Variants in ITPKB observed in about 807,000 individuals in gnomAD.
The protein encoded by ITPKB is IP3 3-kinase B.
ITPKB carries 13 observed loss-of-function variants against 69.4 expected under a neutral mutation model. That is an observed-to-expected ratio of 0.19 (90% confidence interval 0.12 to 0.30). The LOEUF (loss-of-function observed/expected upper bound fraction) is 0.30, where lower values mean the gene tolerates loss of function less well. Among genes scored for constraint, ITPKB ranks in the 10% least tolerant of loss-of-function variants. The probability of loss-of-function intolerance (pLI) is 1.00; values close to 1 mark genes in which losing one functional copy is unlikely to be tolerated. For synonymous variants in ITPKB, 584 were observed against 513.7 expected, an observed-to-expected ratio of 1.14 and a Z score of -1.85; for missense variants, 1,240 against 1,250.5, an observed-to-expected ratio of 0.99 and a Z score of 0.13.
chr1:226,707,560 CA>C (rs1656833027), intron 2 of ITPKB: 1 of 985,294 alleles, frequency 1.0e-6, no homozygotes, highest in East Asian at 1.1e-4. Context: ...AAGTAACTGA[CA>C]GCTTACTATA....
chr1:226,682,500 A>AT (rs1266601371), intron 2 of ITPKB, among the ~76,000 whole-genome samples: 1 of 152,202 alleles, frequency 6.6e-6, no homozygotes, highest in Non-Finnish European at 1.5e-5. Flanking sequence ...AAAGCCACTC[A>AT]TTCATTCTGA....
At position 226,724,512 on chromosome 1, in the gene ITPKB, C is replaced by T. The variant is rs544558897; in HGVS notation, c.1932+11015G>A. On this transcript the variant is annotated intron_variant, in intron 2 of 7. Transcript: ENST00000429204. The stretch of plus-strand genomic sequence containing the variant: ...GTATCGAGCATTTAGTATGTCCAGA[C>T]GCTGTGCTAGGCATTTCCCACATTA... Among the ~76,000 whole-genome samples the T allele has an allele frequency of 3.3e-5, 5 of 152,294 alleles. No homozygotes were observed. The East Asian group carries it at 5.8e-4, about 18-fold the overall frequency.
intron 2 of ITPKB, among the ~76,000 whole-genome samples, chr1:226,701,631 A>C (rs79991334): frequency 6.9e-6 from 1 of 144,096 alleles, no homozygotes. Flanking sequence ...AAAAAAAAAA[A>C]CTTCACTTTA....
intron 6 of ITPKB, among the ~76,000 whole-genome samples, chr1:226,638,115 TAC>T (rs1353320270): frequency 6.6e-6 from 1 of 152,162 alleles, no homozygotes; most frequent in East Asian, 1.9e-4. Flanking sequence ...CATACACAGG[TAC>T]ACAGAGTTCC....
Position 226,634,964 on chromosome 1 carries a change from C to T in ITPKB, c.2626-78G>A. 1 of 1,156,652 alleles carries T rather than the reference C, an allele frequency of 8.6e-7. No individual in the cohort carries two copies. Among genetic ancestry groups the T allele is most frequent in the Non-Finnish European group, 1.2e-6 (1 of 803,384 alleles). 71.6% of individuals were successfully genotyped at this position (1,156,652 alleles called of 1,614,324 possible). ...CCACTGCGGCCCGGGGCCTGGGTGA[C>T]CAGGTGGGGAGGCTCGCTCAGGCCG... On this transcript the variant is annotated intron_variant, in intron 7 of 7. Transcript: ENST00000429204. The surrounding 1 kb of genome is among the most constrained non-coding windows in gnomAD (Gnocchi z 6.3).
At chr1:226,681,314 A>G (rs1440865236) in intron 2 of ITPKB, among the ~76,000 whole-genome samples, 3 of 152,168 alleles carry the variant, frequency 2.0e-5, no homozygotes, top group African/African-American at 4.8e-5. Flanking sequence ...ATTTAGCCAG[A>G]AAGTTTACCA....
At chr1:226,649,450 TGC>T (rs1669134111) in intron 2 of ITPKB, among the ~76,000 whole-genome samples, 1 of 140,822 alleles carries the variant, frequency 7.1e-6, no homozygotes, top group East Asian at 2.1e-4. Context: ...TGCGTGTGTG[TGC>T]ATGTGTGATA....
chr1:226,735,248 G>A (rs895444876), intron 2 of ITPKB, among the ~76,000 whole-genome samples: 2 of 152,318 alleles, frequency 1.3e-5, no homozygotes, highest in East Asian at 3.9e-4. Flanking sequence ...CCCAAGAAGC[G>A]TGGTGACCTA....
intron 2 of ITPKB, among the ~76,000 whole-genome samples, chr1:226,694,605 T>C (rs1656433806): frequency 6.6e-6 from 1 of 152,222 alleles, no homozygotes; most frequent in South Asian, 2.1e-4. Flanking sequence ...CATTTCATAG[T>C]AAAGAAACTC....
chr1:226,653,516 T>G (rs939167302), intron 2 of ITPKB, among the ~76,000 whole-genome samples: 1 of 152,134 alleles, frequency 6.6e-6, no homozygotes, highest in Non-Finnish European at 1.5e-5. Context: ...CATCCCTCCC[T>G]GGGGCTGCTC....
intron 2 of ITPKB, among the ~76,000 whole-genome samples, chr1:226,655,310 C>G (rs918116775): frequency 3.3e-5 from 5 of 152,252 alleles, no homozygotes; most frequent in African/African-American, 1.2e-4. Context: ...CTTCACCAAG[C>G]TCGGGGCCCT....
intron 2 of ITPKB, among the ~76,000 whole-genome samples, chr1:226,716,613 T>C (rs1248505281): frequency 6.6e-6 from 1 of 152,204 alleles, no homozygotes; most frequent in Non-Finnish European, 1.5e-5. Flanking sequence ...CAAAGTTTTT[T>C]TTAAAAAATC....
intron 2 of ITPKB, 102 bp downstream of exon 2, chr1:226,735,425 T>A (rs1657714100): frequency 7.6e-7 from 1 of 1,315,282 alleles, no homozygotes; most frequent in Non-Finnish European, 1.0e-6. Flanking sequence ...CTGGTCTGAG[T>A]TTTCATGACT....
chr1:226,681,666 G>A (rs3754399), intron 2 of ITPKB, among the ~76,000 whole-genome samples: 2,126 of 152,302 alleles, frequency 0.014, 109 homozygotes, highest in Admixed American at 0.081. Flanking sequence ...TTTGCATTGT[G>A]CAGATTTGGA....
At position 226,632,517 on chromosome 1, in the gene ITPKB, G is replaced by GA. The variant is rs577234598; in HGVS notation, c.*2153dup. On this transcript the variant is annotated 3_prime_UTR_variant, in exon 8 of 8. Transcript: ENST00000429204. ...CTAGCACGGTAAATACAAAAAAAGA[G>GA]AAAAAAAAAACAGAAAACAAAAACC... 0.11 allele frequency: 16,098 copies of GA among 147,162 alleles called. 875 individuals are homozygous for GA. Among genetic ancestry groups the GA allele is most frequent in the East Asian group, 0.16 (785 of 5,040 alleles). The allele number at this position is 147,162 out of a possible 1,614,324, so 9.1% of individuals were successfully genotyped here.
In ITPKB at chr1:226,696,463, G is replaced by A. The variant is rs559923178; in HGVS notation, c.1932+39064C>T. ...AACTTATTTTACTATCTTGGACACC[G>A]GCTTCCACTTCCGACAAGGCCAAAA... On this transcript the variant is annotated intron_variant, in intron 2 of 7. Coordinates refer to ENST00000429204, the MANE Select transcript of ITPKB (RefSeq NM_002221.4). Among the ~76,000 whole-genome samples, 24 of 152,204 alleles carry A rather than the reference G, an allele frequency of 1.6e-4. No individual in the cohort carries two copies. In the South Asian group the frequency reaches 3.7e-3, roughly 24 times the overall value.
chr1:226,735,598 T>G lies in ITPKB; in HGVS notation c.1861A>C (p.Ser621Arg). The G allele has an allele frequency of 6.2e-7, 1 of 1,600,162 alleles. No homozygotes were observed. Among genetic ancestry groups the G allele is most frequent in the Non-Finnish European group, 8.5e-7 (1 of 1,173,242 alleles). The change falls in exon 2 of 8, where the codon AGT (serine) becomes CGT (arginine). Residue 621 changes from serine (S) to arginine (R), a missense_variant. Physicochemically the swap from Ser to Arg is moderately radical, Grantham distance 110. Transcript: ENST00000429204. ...GGGTCCAGGGTGCGCTCAGGGTCAC[T>G]GGAGATGTCCTCCTCTGAGTCTTCG... is the stretch of plus-strand genomic sequence containing the variant. ...SYEDSEEDIS[S>R]DPERTLDPNS... is the part of the protein sequence containing the mutation.
At chr1:226,663,679 C>T (rs1245897028) in intron 2 of ITPKB, among the ~76,000 whole-genome samples, 2 of 152,008 alleles carry the variant, frequency 1.3e-5, no homozygotes, top group Admixed American at 6.6e-5. Context: ...ACCACCATGC[C>T]TGAATAATTT....
chr1:226,637,378 C>G lies in ITPKB; in HGVS notation c.2625+301G>C, dbSNP rs1368573143. Among the ~76,000 whole-genome samples, 1 of 152,216 alleles carries G rather than the reference C, an allele frequency of 6.6e-6. No homozygotes were observed. The highest frequency in any genetic ancestry group is 1.5e-5 in the Non-Finnish European group (1 of 68,038). ...TCAGAGAGCTTCTGCCCTGAGACCA[C>G]GGGTGTGTGGGATATGAGTCCTGCC... On this transcript the variant is annotated intron_variant, in intron 7 of 7. Coordinates refer to ENST00000429204, the MANE Select transcript of ITPKB (RefSeq NM_002221.4). The surrounding 1 kb of genome is among the most constrained non-coding windows in gnomAD (Gnocchi z 4.3).
Sources: gnomAD v4.1 joint callset for allele counts (sites outside exome capture counted in the v4.1 genomes callset) on GRCh38, gnomAD v4.1.1 for gene constraint, Gnocchi (gnomAD v3.1) non-coding constraint, MANE v1.5 for transcripts, NCBI Gene and HGNC (gene_info 2026-07-23, HGNC 2026-07-21) for gene names.